Variants in MALRD1 observed in about 807,000 individuals in gnomAD.
MALRD1 encodes MAM and LDL receptor class A domain containing 1, also known as MAM and LDL-receptor class A domain-containing protein 1.
Under a neutral mutation model 242.1 loss-of-function variants are expected in MALRD1, and 247 were observed. The observed-to-expected ratio is 1.02, with a 90% CI of 0.92 to 1.13. The LOEUF is 1.13. Among genes scored for constraint, MALRD1 ranks in the 50% most tolerant of loss-of-function variants. The pLI is 0.00. For missense variants in MALRD1, 2,989 were observed against 2,533.1 expected (o/e 1.18, Z -3.86); for synonymous variants, 995 against 866.6 (o/e 1.15, Z -2.60).
At position 19,730,913 on chromosome 10, in the gene MALRD1, G is replaced by A. The variant is rs1245891892; in HGVS notation, c.6390+132G>A. 7.1e-6 allele frequency: 6 copies of A among 842,634 alleles called. No individual in the cohort carries two copies. In the East Asian group the frequency reaches 1.6e-4, roughly 23 times the overall value. 52.2% of individuals were successfully genotyped at this position (842,634 alleles called of 1,614,324 possible). A position where few individuals can be genotyped will look rare whatever the true frequency, so the allele number is the denominator to read the frequency against. On this transcript the variant is annotated intron_variant, in intron 39 of 39. Coordinates refer to ENST00000454679, the MANE Select transcript of MALRD1 (RefSeq NM_001142308.3). ...TAACTAAAAGAAATGTTTTAGTGGAGTTATTTCAATTGGGGATAGAAAGGA... is the reference window on the plus strand; with the variant it reads ...TAACTAAAAGAAATGTTTTAGTGGAATTATTTCAATTGGGGATAGAAAGGA...
At chr10:19,471,435 T>C (rs545670001) in intron 29 of MALRD1, among the ~76,000 whole-genome samples, 20 of 151,982 alleles carry the variant, frequency 1.3e-4, no homozygotes, top group Middle Eastern at 3.4e-3. Flanking sequence ...TAATTCGATA[T>C]GAATTTTAGG....
At chr10:19,363,175 G>T (rs1844966556) in intron 26 of MALRD1, among the ~76,000 whole-genome samples, 1 of 152,072 alleles carries the variant, frequency 6.6e-6, no homozygotes, top group African/African-American at 2.4e-5. Flanking sequence ...CAGAATTAAA[G>T]TCATATGCAT....
At chr10:19,110,700 G>C (rs1836646998) in intron 5 of MALRD1, among the ~76,000 whole-genome samples, 1 of 152,124 alleles carries the variant, frequency 6.6e-6, no homozygotes, top group African/African-American at 2.4e-5. Flanking sequence ...CCTGGGTCCA[G>C]AGCAAAGCCA....
rs1408360370 is a variant in MALRD1, at chr10:19,331,594, G to A, written c.3901+12G>A. On this transcript the variant is annotated intron_variant, in intron 24 of 39. Transcript: ENST00000454679. ...TACTTTCATTTGCCGTAAGTAAAAG[G>A]GTTCTGTTTTCTTACTTTTGCCTTC... The A allele has an allele frequency of 6.5e-7, 1 of 1,547,642 alleles. No individual in the cohort carries two copies. Among genetic ancestry groups the A allele is most frequent in the Non-Finnish European group, 8.7e-7 (1 of 1,144,906 alleles).
intron 28 of MALRD1, among the ~76,000 whole-genome samples, chr10:19,416,490 C>A (rs1833517548): frequency 6.6e-6 from 1 of 152,068 alleles, no homozygotes; most frequent in African/African-American, 2.4e-5. Context: ...TGAGTTCTAA[C>A]CCTTCTCATC....
At chr10:19,462,241 A>G (rs1332582372) in intron 29 of MALRD1, among the ~76,000 whole-genome samples, 4 of 152,058 alleles carry the variant, frequency 2.6e-5, no homozygotes, top group Non-Finnish European at 4.4e-5. Flanking sequence ...CCACATCTCC[A>G]CCTACTTCCT....
intron 13 of MALRD1, among the ~76,000 whole-genome samples, chr10:19,172,540 A>C (rs1835057109): frequency 6.6e-6 from 1 of 151,630 alleles, no homozygotes; most frequent in Non-Finnish European, 1.5e-5. Context: ...CAGGTAAAGT[A>C]ATGTAACCAC....
intron 13 of MALRD1, among the ~76,000 whole-genome samples, chr10:19,170,581 C>T (rs1033871004): frequency 7.9e-5 from 12 of 151,974 alleles, no homozygotes; most frequent in African/African-American, 2.7e-4. Context: ...AAAAGGTGAT[C>T]GAGTCTCCGT....
chr10:19,480,206 A>G (rs1211017776), intron 29 of MALRD1, among the ~76,000 whole-genome samples: 2 of 152,210 alleles, frequency 1.3e-5, no homozygotes, highest in African/African-American at 4.8e-5. Context: ...GCAAAGAAAG[A>G]AGCTAGTGTG....
intron 36 of MALRD1, among the ~76,000 whole-genome samples, chr10:19,669,487 C>A (rs1012276053): frequency 6.6e-6 from 1 of 152,048 alleles, no homozygotes; most frequent in Non-Finnish European, 1.5e-5. Flanking sequence ...CAGGTTGGAG[C>A]AAAGGGACAG....
chr10:19,359,732 C>A (rs976422697), intron 26 of MALRD1, among the ~76,000 whole-genome samples: 7 of 146,930 alleles, frequency 4.8e-5, no homozygotes, highest in African/African-American at 1.8e-4. Context: ...GATTTTGACC[C>A]AGGAGAGCTG....
intron 32 of MALRD1, among the ~76,000 whole-genome samples, chr10:19,552,196 A>G (rs1835504804): frequency 6.6e-6 from 1 of 152,064 alleles, no homozygotes; most frequent in Non-Finnish European, 1.5e-5. Context: ...ATCTGGTAAA[A>G]TTCAGCTGTG....
intron 18 of MALRD1, among the ~76,000 whole-genome samples, chr10:19,210,451 ATTTACT>A (rs1021442844): frequency 2.6e-5 from 4 of 152,114 alleles, no homozygotes; most frequent in Non-Finnish European, 5.9e-5. Context: ...ATGAACATTT[ATTTACT>A]TTCCAGCATA....
At chr10:19,560,244 G>A (rs1835903422) in intron 32 of MALRD1, among the ~76,000 whole-genome samples, 2 of 152,150 alleles carry the variant, frequency 1.3e-5, no homozygotes, top group Non-Finnish European at 2.9e-5. Flanking sequence ...TGAGGTGGGT[G>A]GATCACAAGG....
chr10:19,209,028 A>G (rs1836915586), intron 17 of MALRD1, among the ~76,000 whole-genome samples: 1 of 152,182 alleles, frequency 6.6e-6, no homozygotes, highest in South Asian at 2.1e-4. Flanking sequence ...AATATTTGGA[A>G]AAAAGTGTCC....
intron 29 of MALRD1, among the ~76,000 whole-genome samples, chr10:19,466,375 A>T (rs7073581): frequency 0.82 from 124,186 of 152,182 alleles, 50,841 homozygotes; most frequent in East Asian, 1. Flanking sequence ...TCATTAGGCT[A>T]AAGAAGCCCC....
intron 19 of MALRD1, among the ~76,000 whole-genome samples, chr10:19,260,937 G>T (rs1839719027): frequency 6.6e-6 from 1 of 152,116 alleles, no homozygotes; most frequent in South Asian, 2.1e-4. Context: ...AAAAATTAAA[G>T]ATATAAGTAG....
chr10:19,353,855 A>G (rs1273657533), intron 26 of MALRD1, among the ~76,000 whole-genome samples: 2 of 151,734 alleles, frequency 1.3e-5, no homozygotes, highest in Non-Finnish European at 2.9e-5. Flanking sequence ...GGGGAGCAAG[A>G]GTTTTCTGGT....
chr10:19,242,284 T>C (rs1416946877), intron 18 of MALRD1, among the ~76,000 whole-genome samples: 2 of 152,106 alleles, frequency 1.3e-5, no homozygotes, highest in East Asian at 3.9e-4. Context: ...ACAAGAACAG[T>C]ATGGGGGAAA....
Sources: gnomAD v4.1 joint callset for allele counts (sites outside exome capture counted in the v4.1 genomes callset) on GRCh38, gnomAD v4.1.1 for gene constraint, MANE v1.5 for transcripts, NCBI Gene and HGNC (gene_info 2026-07-23, HGNC 2026-07-21) for gene names.